PAWR: variants seen among roughly 807,000 people sequenced by gnomAD.
PAWR encodes pro-apoptotic WT1 regulator.
A neutral mutation model predicts 32.0 loss-of-function variants in PAWR; 23 were observed. The ratio of observed to expected loss-of-function variants is 0.72; its 90% CI spans 0.52 to 1.02. The LOEUF (loss-of-function observed/expected upper bound fraction) is 1.02. PAWR is among the 50% of genes least tolerant of loss of function. PAWR has a pLI of 0.00. For missense variants in PAWR, 457 were observed against 437.7 expected (o/e 1.04, Z -0.39); for synonymous variants, 226 against 187.1 (o/e 1.21, Z -1.70).
rs934921060 is a variant in PAWR at position 79,690,024 on chromosome 12, G to C, written c.221C>G (p.Pro74Arg). The C allele has an allele frequency of 3.0e-6, 4 of 1,314,166 alleles. No individual in the cohort carries two copies. Among genetic ancestry groups the C allele is most frequent in the Non-Finnish European group, 3.9e-6 (4 of 1,038,604 alleles). The allele number at this position is 1,314,166 out of a possible 1,614,324, so 81.4% of individuals were successfully genotyped here. Residue 74 changes from proline (P) to arginine (R), a missense_variant, in exon 2 of 7, where the codon CCG (proline) becomes CGG (arginine). By Grantham distance (103) the Pro-to-Arg change is moderately radical. Coordinates refer to ENST00000328827, the MANE Select transcript of PAWR (RefSeq NM_002583.4). ...GGCAGGTGCGGCCGGCGCGCCGCCC[G>C]GGAGGTTGTTGTTGAGCTCGTTGGC... ...AAANELNNNL[P>R]GGAPAAPAVP...
At chr12:79,671,091 C>A (rs1248265958) in intron 2 of PAWR, among the ~76,000 whole-genome samples, 4 of 135,764 alleles carry the variant, frequency 2.9e-5, no homozygotes, top group Admixed American at 8.1e-5. Context: ...GAGTTTGAGT[C>A]TAGCCTGGGC....
Position 79,690,140 on chromosome 12 carries a change from G to C in PAWR, c.105C>G (p.Asn35Lys), listed in dbSNP as rs763688051. Reference protein sequence around the residue: ...AKREKMRAKQNPPGPAPPGGG... With the variant: ...AKREKMRAKQKPPGPAPPGGG... ...CTCCCGGGGGGGCCGGGCCCGGGGGGTTCTGCTTGGCGCGCATCTTCTCGC... is the reference window on the plus strand; with the variant it reads ...CTCCCGGGGGGGCCGGGCCCGGGGGCTTCTGCTTGGCGCGCATCTTCTCGC... The change falls in exon 2 of 7, where the codon AAC (asparagine) becomes AAG (lysine). Residue 35 changes from asparagine (N) to lysine (K), a missense_variant. Coordinates refer to ENST00000328827, the MANE Select transcript of PAWR (RefSeq NM_002583.4). The C allele has an allele frequency of 2.0e-6, 3 of 1,521,204 alleles. No individual in the cohort carries two copies. The highest frequency in any genetic ancestry group is 5.4e-5 in the East Asian group (2 of 37,240). The allele number at this position is 1,521,204 out of a possible 1,614,324, so 94.2% of individuals were successfully genotyped here. A position where few individuals can be genotyped will look rare whatever the true frequency, so the allele number is the denominator to read the frequency against.
intron 4 of PAWR, among the ~76,000 whole-genome samples, chr12:79,607,706 G>A (rs1270856729): frequency 6.7e-6 from 1 of 149,548 alleles, no homozygotes; most frequent in Non-Finnish European, 1.5e-5. Context: ...TCCAGCCTGG[G>A]CATCGGAGTG....
Position 79,638,288 on chromosome 12 carries a change from T to G in PAWR, c.517-17081A>C, listed in dbSNP as rs77407342. On this transcript the variant is annotated intron_variant, in intron 2 of 6. Coordinates refer to ENST00000328827, the MANE Select transcript of PAWR (RefSeq NM_002583.4). Reference sequence around the variant, plus strand: ...GGATAAACTTTTGTCATATTTTTATTGGCTTTATATATTTATGTATCTTCA... The same window carrying G: ...GGATAAACTTTTGTCATATTTTTATGGGCTTTATATATTTATGTATCTTCA... Among the ~76,000 whole-genome samples the G allele has an allele frequency of 4.8e-3, 730 of 152,292 alleles. 19 individuals carry two copies. Among genetic ancestry groups the G allele is most frequent in the Admixed American group, 0.038 (580 of 15,296 alleles).
chr12:79,659,473 C>T (rs1415589166), intron 2 of PAWR, among the ~76,000 whole-genome samples: 1 of 152,176 alleles, frequency 6.6e-6, no homozygotes, highest in African/African-American at 2.4e-5. Flanking sequence ...CTGGCCTCCT[C>T]ATGTTAGCAG....
chr12:79,661,285 A>G (rs1196805225), intron 2 of PAWR, among the ~76,000 whole-genome samples: 1 of 151,632 alleles, frequency 6.6e-6, no homozygotes, highest in African/African-American at 2.4e-5. Flanking sequence ...ACATTTTAGT[A>G]AACTTTGAGC....
chr12:79,592,993 G>GT (rs1229789214), intron 6 of PAWR, among the ~76,000 whole-genome samples: 2 of 151,704 alleles, frequency 1.3e-5, no homozygotes, highest in African/African-American at 4.8e-5. Context: ...AAATAAGTTA[G>GT]TTTTTTAGCT....
At chr12:79,667,713 G>A (rs542680655) in intron 2 of PAWR, among the ~76,000 whole-genome samples, 56 of 152,052 alleles carry the variant, frequency 3.7e-4, no homozygotes, top group African/African-American at 1.3e-3. Flanking sequence ...AAAAATAAGA[G>A]TCCTTATCTT....
chr12:79,664,974 C>T (rs1362615875), intron 2 of PAWR, among the ~76,000 whole-genome samples: 2 of 152,092 alleles, frequency 1.3e-5, no homozygotes, highest in South Asian at 2.1e-4. Context: ...GAAGGAGGAG[C>T]AGCAATTCAC....
Position 79,625,305 on chromosome 12 carries a change from C to T in PAWR, c.517-4098G>A, listed in dbSNP as rs183858094. On this transcript the variant is annotated intron_variant, in intron 2 of 6. Coordinates refer to ENST00000328827, the MANE Select transcript of PAWR (RefSeq NM_002583.4). ...TCTAACACATGCATAATTGGGGTCTCAGAAGGCAAGGAGAGAGAAATGAGG... is the reference window on the plus strand; with the variant it reads ...TCTAACACATGCATAATTGGGGTCTTAGAAGGCAAGGAGAGAGAAATGAGG... 1.2e-3 allele frequency among the ~76,000 whole-genome samples: 179 copies of T among 151,814 alleles called. 1 individual carries two copies. Among genetic ancestry groups the T allele is most frequent in the African/African-American group, 4.2e-3 (174 of 41,386 alleles).
At chr12:79,626,952 G>A (rs895746396) in intron 2 of PAWR, among the ~76,000 whole-genome samples, 13 of 152,178 alleles carry the variant, frequency 8.5e-5, no homozygotes, top group African/African-American at 2.9e-4. Flanking sequence ...GTATTCCATG[G>A]TGTGTATATG....
intron 2 of PAWR, among the ~76,000 whole-genome samples, chr12:79,624,258 C>T (rs1265102475): frequency 6.6e-6 from 1 of 152,044 alleles, no homozygotes; most frequent in African/African-American, 2.4e-5. Context: ...TGAGACCCAG[C>T]CCCACAACAC....
chr12:79,590,820 G>A lies in PAWR; in HGVS notation c.*1787C>T, dbSNP rs1314289327. 1 of 152,212 alleles carries A rather than the reference G, an allele frequency of 6.6e-6. No individual in the cohort carries two copies. The highest frequency in any genetic ancestry group is 1.5e-5 in the Non-Finnish European group (1 of 68,042). The allele number at this position is 152,212 out of a possible 1,614,324, so 9.4% of individuals were successfully genotyped here. A position where few individuals can be genotyped will look rare whatever the true frequency, so the allele number is the denominator to read the frequency against. ...TGGGTAAGAGTCTCCAAGAAGGGAA[G>A]CCCTTATGCAGTAATTCTGTAACTA... On this transcript the variant is annotated 3_prime_UTR_variant, in exon 7 of 7. Transcript: ENST00000328827.
chr12:79,604,637 T>C (rs915980013), intron 4 of PAWR: 1 of 1,287,410 alleles, frequency 7.8e-7, no homozygotes, highest in African/African-American at 1.5e-5. Flanking sequence ...CCTTTTAGTA[T>C]CTTTCACTGC....
At chr12:79,638,207 T>C (rs894947746) in intron 2 of PAWR, among the ~76,000 whole-genome samples, 6 of 152,106 alleles carry the variant, frequency 3.9e-5, no homozygotes, top group African/African-American at 1.4e-4. Context: ...CCTTATTTTT[T>C]CAACTCTCAC....
rs556141903 is a variant in PAWR at position 79,664,200 on chromosome 12, C to A, written c.516+25529G>T. Reference sequence around the variant, plus strand: ...TCGAGACAGTCAACAGAGGCCACCACTTCAAGGGTTGAGACTGCAACTAGA... The same window carrying A: ...TCGAGACAGTCAACAGAGGCCACCAATTCAAGGGTTGAGACTGCAACTAGA... On this transcript the variant is annotated intron_variant, in intron 2 of 6. Transcript: ENST00000328827. Among the ~76,000 whole-genome samples the A allele has an allele frequency of 2.4e-4, 36 of 152,256 alleles. No homozygotes were observed. The South Asian group carries it at 7.5e-3, about 32-fold the overall frequency.
Position 79,621,203 on chromosome 12 carries a change from A to AAGCAC in PAWR, c.517-1_520dup (p.Leu174CysfsTer3). 1 of 1,594,842 alleles carries AAGCAC rather than the reference A, an allele frequency of 6.3e-7. No individual in the cohort carries two copies. Among genetic ancestry groups the AAGCAC allele is most frequent in the Non-Finnish European group, 8.5e-7 (1 of 1,175,340 alleles). ...TGCTTCATCATCTTCGTACTCATCT[A>AAGCAC]AGCACTGAAAGAAAAAAAGAGTTTC... On this transcript the variant is annotated frameshift_variant, in exon 3 of 7. Coordinates refer to ENST00000328827, the MANE Select transcript of PAWR (RefSeq NM_002583.4). LOFTEE classifies it high-confidence loss of function.
intron 5 of PAWR, 50 bp from the exon 6 acceptor site, chr12:79,594,483 T>C: frequency 1.1e-6 from 1 of 875,804 alleles, no homozygotes; most frequent in Admixed American, 2.5e-5. Context: ...TGTTTATTTA[T>C]AATCTTCCTA....
At chr12:79,656,768 T>C (rs1877113512) in intron 2 of PAWR, among the ~76,000 whole-genome samples, 1 of 151,976 alleles carries the variant, frequency 6.6e-6, no homozygotes. Context: ...ATAGATGAAA[T>C]ATACAAAATA....
Sources: allele counts gnomAD v4.1 joint callset (sites outside exome capture counted in the v4.1 genomes callset), GRCh38; gene constraint gnomAD v4.1.1; transcripts MANE v1.5; gene names NCBI Gene and HGNC (gene_info 2026-07-23, HGNC 2026-07-21).